EXT1: variants seen among roughly 807,000 people sequenced by gnomAD.
EXT1 encodes the protein exostosin-1.
In EXT1, 20 loss-of-function variants were observed where a neutral mutation model predicts 82.5. The observed-to-expected ratio is 0.24, with a 90% CI of 0.17 to 0.35. The LOEUF (loss-of-function observed/expected upper bound fraction) is 0.35. EXT1 is among the 10% of genes least tolerant of loss of function. EXT1 has a pLI of 1.00. For synonymous variants in EXT1, 348 were observed against 350.8 expected (o/e 0.99, Z 0.09); for missense variants, 757 against 936.5 (o/e 0.81, Z 2.50).
intron 1 of EXT1, among the ~76,000 whole-genome samples, chr8:117,876,409 T>A (rs1167709735): frequency 6.6e-6 from 1 of 152,196 alleles, no homozygotes; most frequent in Non-Finnish European, 1.5e-5. Flanking sequence ...CCAAATTTAT[T>A]TTAAAACATA....
intron 1 of EXT1, among the ~76,000 whole-genome samples, chr8:118,066,221 C>T (rs558519339): frequency 5.9e-5 from 9 of 152,286 alleles, no homozygotes; most frequent in African/African-American, 1.2e-4. Context: ...CCCTACTCAA[C>T]ATGAAGACAA....
chr8:117,973,930 CAAGGAAGGAAGGAAGGAAGGAAGGAAGG>C (rs759924955), intron 1 of EXT1, among the ~76,000 whole-genome samples: 1 of 79,498 alleles, frequency 1.3e-5, no homozygotes, highest in Non-Finnish European at 2.5e-5. Context: ...AGGCAGAAAG[CAAGGAAGGAAGGAAGGAAGGAAGGAAGG>C]AAGGAAGGAA....
intron 1 of EXT1, among the ~76,000 whole-genome samples, chr8:117,936,424 A>G (rs1402373402): frequency 6.6e-6 from 1 of 152,246 alleles, no homozygotes; most frequent in Non-Finnish European, 1.5e-5. Context: ...ACAATAAATG[A>G]CCAAATTAGA....
At chr8:117,983,492 T>G in intron 1 of EXT1, among the ~76,000 whole-genome samples, 1 of 152,028 alleles carries the variant, frequency 6.6e-6, no homozygotes, top group East Asian at 1.9e-4. Context: ...TTAAATAATA[T>G]TTTTAAAAAA....
intron 1 of EXT1, among the ~76,000 whole-genome samples, chr8:118,060,014 C>T (rs756342778): frequency 2.0e-5 from 3 of 152,200 alleles, no homozygotes; most frequent in African/African-American, 4.8e-5. Context: ...TAGAACCACA[C>T]TGAACCTCTA....
At chr8:118,039,288 G>A (rs17505450) in intron 1 of EXT1, among the ~76,000 whole-genome samples, 3,819 of 152,218 alleles carry the variant, frequency 0.025, 149 homozygotes, top group African/African-American at 0.086. Flanking sequence ...TGCCAGGCAC[G>A]GTGGCTCACG....
chr8:117,845,327 C>T (rs1024736517), intron 1 of EXT1, among the ~76,000 whole-genome samples: 7 of 152,182 alleles, frequency 4.6e-5, no homozygotes, highest in South Asian at 4.2e-4. Flanking sequence ...TGACTGAACA[C>T]GCCAGGTCAT....
chr8:118,006,548 G>C (rs17453707), intron 1 of EXT1, among the ~76,000 whole-genome samples: 1 of 152,094 alleles, frequency 6.6e-6, no homozygotes. Context: ...GTCAAAAATC[G>C]TAACAATAAT....
intron 1 of EXT1, among the ~76,000 whole-genome samples, chr8:118,076,298 C>T (rs1180115132): frequency 6.6e-6 from 1 of 152,190 alleles, no homozygotes; most frequent in Non-Finnish European, 1.5e-5. Context: ...GGGATTGTGT[C>T]AACACTGGTG....
chr8:117,881,463 C>A (rs1813057878), intron 1 of EXT1, among the ~76,000 whole-genome samples: 1 of 152,182 alleles, frequency 6.6e-6, no homozygotes, highest in South Asian at 2.1e-4. Context: ...CCGCATTCAT[C>A]ACTCATTTCA....
chr8:117,865,028 C>T (rs1812752241), intron 1 of EXT1, among the ~76,000 whole-genome samples: 1 of 152,030 alleles, frequency 6.6e-6, no homozygotes. Flanking sequence ...TGACAGAAAC[C>T]CAAATGAACA....
intron 1 of EXT1, among the ~76,000 whole-genome samples, chr8:118,097,675 C>T (rs527303164): frequency 6.6e-6 from 1 of 152,304 alleles, no homozygotes; most frequent in East Asian, 1.9e-4. Context: ...CCTCCAGCCA[C>T]TAGGCTATGA....
chr8:117,883,131 A>T (rs1813090164), intron 1 of EXT1, among the ~76,000 whole-genome samples: 2 of 152,164 alleles, frequency 1.3e-5, no homozygotes, highest in South Asian at 4.1e-4. Flanking sequence ...ACTAATGCAT[A>T]CTCAATATTC....
intron 1 of EXT1, among the ~76,000 whole-genome samples, chr8:118,090,553 A>G (rs2451130): frequency 0.94 from 142,178 of 152,004 alleles, 66,981 homozygotes; most frequent in Non-Finnish European, 1. Flanking sequence ...CGAGGCAGGC[A>G]GAACACCTAA....
chr8:117,832,518 C>T (rs1389678740), intron 3 of EXT1, among the ~76,000 whole-genome samples: 1 of 133,754 alleles, frequency 7.5e-6, no homozygotes, highest in Non-Finnish European at 1.7e-5. Flanking sequence ...GCAAGACTGT[C>T]TTAAAAAAAA....
At chr8:117,861,225 C>A (rs1812678377) in intron 1 of EXT1, among the ~76,000 whole-genome samples, 1 of 152,170 alleles carries the variant, frequency 6.6e-6, no homozygotes, top group African/African-American at 2.4e-5. Flanking sequence ...GCTGACAGGC[C>A]CCACTGAGCA....
In EXT1 at chr8:117,819,725, G is replaced by A; in HGVS notation, c.1487C>T (p.Pro496Leu). The A allele has an allele frequency of 3.1e-6, 5 of 1,613,194 alleles. No homozygotes were observed. Among genetic ancestry groups the A allele is most frequent in the Non-Finnish European group, 4.2e-6 (5 of 1,180,036 alleles). The change falls in exon 6 of 11, where the codon CCA (proline) becomes CTA (leucine). Residue 496 changes from proline to leucine, a missense_variant. By Grantham distance (98) the Pro-to-Leu change is moderately conservative. This residue lies in a region of EXT1 where 207 missense variants were observed against 224.2 expected (regional missense o/e 0.92). Transcript: ENST00000378204. ...AVTPLVSQSQ[P>L]VLKLLVAAAK... ...TGCAGCCACGAGAAGCTTCAACACT[G>A]GCTGGGACTGAGAGACCAGGGGGGT...
intron 1 of EXT1, among the ~76,000 whole-genome samples, chr8:118,105,437 T>G (rs909198210): frequency 6.6e-6 from 1 of 152,178 alleles, no homozygotes; most frequent in Non-Finnish European, 1.5e-5. Context: ...GAAACCCTCA[T>G]TTGCTAGGCT....
At chr8:117,860,936 C>T (rs1001760263) in intron 1 of EXT1, among the ~76,000 whole-genome samples, 2 of 152,136 alleles carry the variant, frequency 1.3e-5, no homozygotes, top group Non-Finnish European at 2.9e-5. Flanking sequence ...CTTTCTTAGT[C>T]GAAATAAGCA....
Sources: allele counts gnomAD v4.1 joint callset (sites outside exome capture counted in the v4.1 genomes callset), GRCh38; gene constraint gnomAD v4.1.1; regional missense constraint gnomAD v4.1.1; transcripts MANE v1.5; gene names NCBI Gene and HGNC (gene_info 2026-07-23, HGNC 2026-07-21).